PTPRM: variants seen among roughly 807,000 people sequenced by gnomAD.
The protein encoded by PTPRM is receptor-type tyrosine-protein phosphatase mu.
In PTPRM, 47 loss-of-function variants were observed where a neutral mutation model predicts 186.7. The ratio of observed to expected loss-of-function variants is 0.25; its 90% CI spans 0.20 to 0.32. The LOEUF (loss-of-function observed/expected upper bound fraction) is 0.32. Ranked by LOEUF, PTPRM falls within the 10% of genes least tolerant of loss-of-function variation. PTPRM has a pLI of 1.00. For missense variants in PTPRM, 1,494 were observed against 1,865.0 expected (o/e 0.80, Z 3.66); for synonymous variants, 668 against 674.9 (o/e 0.99, Z 0.16).
At chr18:7,713,872 A>G (rs565041467) in intron 1 of PTPRM, among the ~76,000 whole-genome samples, 7 of 152,156 alleles carry the variant, frequency 4.6e-5, no homozygotes, top group Non-Finnish European at 8.8e-5. Flanking sequence ...CCAGATTCAT[A>G]AAGGAAGTTC....
At chr18:7,957,054 G>A (rs73381871) in intron 7 of PTPRM, among the ~76,000 whole-genome samples, 2,872 of 152,184 alleles carry the variant, frequency 0.019, 103 homozygotes, top group African/African-American at 0.066. Context: ...GGCAATATAT[G>A]GTTTCTCTCT....
chr18:8,116,384 T>C (rs1482592574), intron 13 of PTPRM, among the ~76,000 whole-genome samples: 1 of 152,260 alleles, frequency 6.6e-6, no homozygotes, highest in Non-Finnish European at 1.5e-5. Flanking sequence ...AAACAGGTAC[T>C]GCTATTCTTA....
rs1464713791 is a variant in PTPRM, at chr18:8,253,658, G to A, written c.2754+244G>A. Reference sequence around the variant, plus strand: ...CAAAAATCCAGTCCTCCAGATCCATGGGTTTTGCATCTCAAAGATATTATA... The same window carrying A: ...CAAAAATCCAGTCCTCCAGATCCATAGGTTTTGCATCTCAAAGATATTATA... On this transcript the variant is annotated intron_variant, in intron 19 of 32. Transcript: ENST00000580170. Among the ~76,000 whole-genome samples the A allele has an allele frequency of 2.0e-5, 3 of 152,144 alleles. No homozygotes were observed. The East Asian group carries it at 5.8e-4, about 29-fold the overall frequency.
chr18:8,105,988 A>C (rs2091498571), intron 11 of PTPRM, among the ~76,000 whole-genome samples: 1 of 152,220 alleles, frequency 6.6e-6, no homozygotes, highest in Non-Finnish European at 1.5e-5. Context: ...ACAAAGACGA[A>C]GACCATGCAT....
At chr18:7,828,761 G>C (rs1226500683) in intron 2 of PTPRM, among the ~76,000 whole-genome samples, 4 of 152,164 alleles carry the variant, frequency 2.6e-5, no homozygotes, top group South Asian at 4.1e-4. Context: ...AAGGAAAGCT[G>C]GTTTTAGAAC....
chr18:8,219,034 G>T (rs1433155378), intron 14 of PTPRM, among the ~76,000 whole-genome samples: 2 of 152,206 alleles, frequency 1.3e-5, no homozygotes, highest in African/African-American at 4.8e-5. Flanking sequence ...CAGGGCGTGG[G>T]AAGTCCCCTT....
intron 19 of PTPRM, among the ~76,000 whole-genome samples, chr18:8,293,781 T>C (rs943729397): frequency 6.6e-6 from 1 of 152,228 alleles, no homozygotes; most frequent in Non-Finnish European, 1.5e-5. Context: ...GCTACATGTT[T>C]GAATAAATCC....
rs568133215 is a variant in PTPRM, at chr18:7,740,558, C to T, written c.74-33591C>T. On this transcript the variant is annotated intron_variant, in intron 1 of 32. Transcript: ENST00000580170. ...TTCAGCCTCTCCAGTAGCTGGGACT[C>T]CAAGCATGTGCCGCCGCTCCTGGCT... is the stretch of plus-strand genomic sequence containing the variant. Among the ~76,000 whole-genome samples the T allele has an allele frequency of 1.1e-4, 16 of 152,210 alleles. No homozygotes were observed. In the South Asian group the frequency reaches 3.3e-3, roughly 32 times the overall value.
intron 1 of PTPRM, among the ~76,000 whole-genome samples, chr18:7,705,275 CTATT>C (rs1260581437): frequency 7.5e-4 from 102 of 136,052 alleles, no homozygotes; most frequent in East Asian, 3.3e-3. Flanking sequence ...TTGAAAATAT[CTATT>C]TATCTATCTA....
At chr18:8,238,657 T>TTTTTG (rs2094377589) in intron 14 of PTPRM, among the ~76,000 whole-genome samples, 2 of 121,668 alleles carry the variant, frequency 1.6e-5, no homozygotes, top group African/African-American at 6.2e-5. Context: ...GTGTGTTTTT[T>TTTTTG]TTTTTTTTTT....
intron 1 of PTPRM, among the ~76,000 whole-genome samples, chr18:7,754,335 A>G (rs1254519005): frequency 1.3e-5 from 2 of 152,232 alleles, no homozygotes; most frequent in Non-Finnish European, 2.9e-5. Flanking sequence ...TGCTTCTTAT[A>G]GGCAGAATTT....
At chr18:8,190,909 G>T (rs1006059266) in intron 14 of PTPRM, among the ~76,000 whole-genome samples, 5 of 152,182 alleles carry the variant, frequency 3.3e-5, no homozygotes, top group African/African-American at 1.2e-4. Flanking sequence ...TTGGGGAGGA[G>T]TGAATGTTGG....
intron 1 of PTPRM, among the ~76,000 whole-genome samples, chr18:7,638,452 G>A (rs750009746): frequency 2.6e-5 from 4 of 152,160 alleles, no homozygotes; most frequent in Non-Finnish European, 5.9e-5. Context: ...GTTTCTGCCT[G>A]CCCCATGTTG....
At chr18:7,972,636 T>G (rs1195760786) in intron 7 of PTPRM, among the ~76,000 whole-genome samples, 1 of 152,018 alleles carries the variant, frequency 6.6e-6, no homozygotes, top group Admixed American at 6.6e-5. Context: ...ATTCTTTAGC[T>G]CAGCTATAAT....
chr18:7,679,403 A>C (rs1352210322), intron 1 of PTPRM, among the ~76,000 whole-genome samples: 1 of 151,908 alleles, frequency 6.6e-6, no homozygotes, highest in African/African-American at 2.4e-5. Context: ...AGTGGCTTAC[A>C]CCTGCAATCC....
At chr18:7,672,926 T>C (rs2039252671) in intron 1 of PTPRM, among the ~76,000 whole-genome samples, 1 of 152,222 alleles carries the variant, frequency 6.6e-6, no homozygotes, top group Admixed American at 6.5e-5. Context: ...CCATCGTGAC[T>C]GAGTGCCATC....
chr18:7,899,606 A>G (rs1217996939), intron 3 of PTPRM, among the ~76,000 whole-genome samples: 1 of 152,190 alleles, frequency 6.6e-6, no homozygotes, highest in East Asian at 1.9e-4. Flanking sequence ...TTTCCTAAAA[A>G]TGTTTGTTTC....
chr18:8,189,794 C>T (rs548147638), intron 14 of PTPRM, among the ~76,000 whole-genome samples: 28 of 152,210 alleles, frequency 1.8e-4, no homozygotes, highest in African/African-American at 6.5e-4. Context: ...TTAAAGAGCC[C>T]TCTTTTAAAA....
rs140645068 is a variant in PTPRM at position 8,101,419 on chromosome 18, T to C, written c.1857-12067T>C. 1.9e-3 allele frequency among the ~76,000 whole-genome samples: 289 copies of C among 152,340 alleles called. 2 individuals are homozygous for C. Among genetic ancestry groups the C allele is most frequent in the African/African-American group, 6.5e-3 (270 of 41,574 alleles). On this transcript the variant is annotated intron_variant, in intron 11 of 32. Coordinates refer to ENST00000580170, the MANE Select transcript of PTPRM (RefSeq NM_001105244.2). ...ACATGGTAGCCCCTTTTATTCTGCC[T>C]ATGTCTTGGGAAATTTTCTGGGTCC...
Sources: gnomAD v4.1 joint callset for allele counts (sites outside exome capture counted in the v4.1 genomes callset) on GRCh38, gnomAD v4.1.1 for gene constraint, MANE v1.5 for transcripts, NCBI Gene and HGNC (gene_info 2026-07-23, HGNC 2026-07-21) for gene names.